Variants in ADCY9 observed in about 807,000 individuals in gnomAD.
ADCY9 encodes the protein adenylate cyclase type 9.
ADCY9 carries 50 observed loss-of-function variants against 101.5 expected under a neutral mutation model. That is an observed-to-expected ratio of 0.49 (90% CI 0.39 to 0.62). The LOEUF (loss-of-function observed/expected upper bound fraction) is 0.62, where lower values mean the gene tolerates loss of function less well. ADCY9 is among the 20% of genes least tolerant of loss of function. The pLI is 0.00. For synonymous variants in ADCY9, 905 were observed against 769.3 expected (o/e 1.18, Z -2.92); for missense variants, 1,662 against 1,800.4 (o/e 0.92, Z 1.39).
rs113862321 is a variant in ADCY9 at position 4,110,090 on chromosome 16, C to T, written c.1693+3660G>A. ...GCTCCAGCAGGAGCCCCCTCTAAAG[C>T]GCTCCCCACTCCCGAACATACTCCA... On this transcript the variant is annotated intron_variant, in intron 2 of 10. Coordinates refer to ENST00000294016, the MANE Select transcript of ADCY9 (RefSeq NM_001116.4). Among the ~76,000 whole-genome samples the T allele has an allele frequency of 1.4e-4, 22 of 152,304 alleles. 1 individual carries two copies. Among genetic ancestry groups the T allele is most frequent in the African/African-American group, 3.9e-4 (16 of 41,558 alleles).
chr16:3,969,579 T>C (rs1382228060), intron 10 of ADCY9, among the ~76,000 whole-genome samples: 3 of 34,798 alleles, frequency 8.6e-5, no homozygotes, highest in Non-Finnish European at 1.5e-4. Context: ...AATATATATA[T>C]ATATATATAT....
chr16:3,994,866 C>A (rs560945384), intron 3 of ADCY9, among the ~76,000 whole-genome samples: 1 of 152,152 alleles, frequency 6.6e-6, no homozygotes, highest in Admixed American at 6.6e-5. Flanking sequence ...TCTTAAGCTC[C>A]GTGTGATGGT....
intron 2 of ADCY9, among the ~76,000 whole-genome samples, chr16:4,037,975 G>A (rs2601796): frequency 0.67 from 101,503 of 152,142 alleles, 36,324 homozygotes; most frequent in East Asian, 0.93. Flanking sequence ...ACGAAGGGAT[G>A]GTATTAAGTG....
At chr16:3,998,778 GAAAAGAAAAGAAAAGAAAAGAAAAA>G (rs1225461407) in intron 3 of ADCY9, among the ~76,000 whole-genome samples, 7 of 33,170 alleles carry the variant, frequency 2.1e-4, no homozygotes, top group Admixed American at 6.4e-4. Context: ...GAAAAGAAAA[GAAAAGAAAAGAAAAGAAAAGAAAAA>G]AAGAGAAATC....
Position 3,977,467 on chromosome 16 carries a change from G to A in ADCY9, c.2828+15C>T, listed in dbSNP as rs748833027. ...CCACGCACCCTGGTGCCCGCAAGCA[G>A]TGCTGGCCGCGTACCTGTCTGGGCA... is the stretch of plus-strand genomic sequence containing the variant. On this transcript the variant is annotated intron_variant, in intron 9 of 10. Coordinates refer to ENST00000294016, the MANE Select transcript of ADCY9 (RefSeq NM_001116.4). 1.9e-6 allele frequency: 3 copies of A among 1,551,430 alleles called. 1 individual carries two copies. The East Asian group carries it at 7.3e-5, about 38-fold the overall frequency.
At chr16:4,009,092 T>TA (rs1039752959) in intron 2 of ADCY9, among the ~76,000 whole-genome samples, 5 of 152,290 alleles carry the variant, frequency 3.3e-5, no homozygotes, top group Admixed American at 3.3e-4. Flanking sequence ...TCTCTCCTTG[T>TA]AAAAATACTA....
intron 10 of ADCY9, among the ~76,000 whole-genome samples, chr16:3,972,939 T>G (rs1343847109): frequency 6.6e-6 from 1 of 152,146 alleles, no homozygotes; most frequent in Non-Finnish European, 1.5e-5. Context: ...CAATAAAAGG[T>G]TAAAAAAAGA....
At chr16:4,109,990 G>A (rs1189665653) in intron 2 of ADCY9, among the ~76,000 whole-genome samples, 1 of 152,082 alleles carries the variant, frequency 6.6e-6, no homozygotes, top group Non-Finnish European at 1.5e-5. Context: ...ACAGGGCCCA[G>A]CCATACCCAC....
intron 2 of ADCY9, among the ~76,000 whole-genome samples, chr16:4,017,014 G>A (rs967335888): frequency 2.0e-5 from 3 of 152,090 alleles, no homozygotes; most frequent in African/African-American, 4.8e-5. Flanking sequence ...AAAAAGAAAA[G>A]GAAGCTGGGT....
chr16:3,987,368 G>A (rs1179792348), intron 6 of ADCY9, among the ~76,000 whole-genome samples: 1 of 152,270 alleles, frequency 6.6e-6, no homozygotes, highest in Non-Finnish European at 1.5e-5. Flanking sequence ...TCTGCTGTTT[G>A]GGAGGCTCAG....
At chr16:4,034,248 C>T (rs192892039) in intron 2 of ADCY9, among the ~76,000 whole-genome samples, 4 of 152,310 alleles carry the variant, frequency 2.6e-5, no homozygotes, top group Non-Finnish European at 4.4e-5. Flanking sequence ...ACTCACTACA[C>T]GTACCCCTTG....
intron 2 of ADCY9, among the ~76,000 whole-genome samples, chr16:4,103,735 GC>G (rs1308217280): frequency 6.6e-6 from 1 of 152,172 alleles, no homozygotes; most frequent in Non-Finnish European, 1.5e-5. Context: ...GGAGGCTGAG[GC>G]AGGAGAATCA....
intron 9 of ADCY9, among the ~76,000 whole-genome samples, chr16:3,976,149 G>A (rs914220727): frequency 2.6e-5 from 4 of 152,052 alleles, no homozygotes; most frequent in Non-Finnish European, 4.4e-5. Flanking sequence ...ACACCGCCAT[G>A]CCTGGCTAAT....
intron 2 of ADCY9, among the ~76,000 whole-genome samples, chr16:4,061,670 C>A (rs965355982): frequency 6.6e-6 from 1 of 151,940 alleles, no homozygotes; most frequent in African/African-American, 2.4e-5. Flanking sequence ...TAAACAAAGA[C>A]AGAAAATTTG....
At chr16:4,017,217 G>A (rs1228417040) in intron 2 of ADCY9, among the ~76,000 whole-genome samples, 1 of 149,928 alleles carries the variant, frequency 6.7e-6, no homozygotes, top group Non-Finnish European at 1.5e-5. Context: ...ACAGTAATGT[G>A]AACATCAACA....
intron 3 of ADCY9, among the ~76,000 whole-genome samples, chr16:3,998,721 A>AG (rs1204950626): frequency 7.0e-5 from 10 of 142,518 alleles, no homozygotes; most frequent in Non-Finnish European, 1.2e-4. Flanking sequence ...AAAAAAAAAA[A>AG]AAAAAAAAAA....
At chr16:4,082,216 A>T (rs996062971) in intron 2 of ADCY9, among the ~76,000 whole-genome samples, 17 of 151,992 alleles carry the variant, frequency 1.1e-4, no homozygotes, top group Non-Finnish European at 5.9e-5. Context: ...TCTCTACAAA[A>T]AAAAAATTGA....
chr16:4,068,550 C>A (rs927323548), intron 2 of ADCY9, among the ~76,000 whole-genome samples: 5 of 152,072 alleles, frequency 3.3e-5, no homozygotes, highest in African/African-American at 4.8e-5. Flanking sequence ...CACGGTGGCT[C>A]ACACCTGTAA....
chr16:4,100,866 T>A (rs2057038812), intron 2 of ADCY9, among the ~76,000 whole-genome samples: 1 of 152,088 alleles, frequency 6.6e-6, no homozygotes, highest in Non-Finnish European at 1.5e-5. Context: ...GATTTCACAG[T>A]GGCTGAGACA....
Sources: allele counts gnomAD v4.1 joint callset (sites outside exome capture counted in the v4.1 genomes callset), GRCh38; gene constraint gnomAD v4.1.1; transcripts MANE v1.5; gene names NCBI Gene and HGNC (gene_info 2026-07-23, HGNC 2026-07-21).